The following AGBL3 variants were observed in gnomAD, a reference collection of about 807,000 sequenced individuals.
AGBL3 encodes the protein AGBL carboxypeptidase 3.
Under a neutral mutation model 94.5 loss-of-function variants are expected in AGBL3, and 68 were observed. The observed-to-expected ratio is 0.72, with a 90% CI of 0.59 to 0.88. AGBL3 has a LOEUF of 0.88. Among genes scored for constraint, AGBL3 ranks in the 40% least tolerant of loss-of-function variants. The probability of loss-of-function intolerance (pLI) is 0.00; values close to 1 mark genes in which losing one functional copy is unlikely to be tolerated. For missense variants in AGBL3, 934 were observed against 1,103.8 expected (o/e 0.85, Z 2.18); for synonymous variants, 354 against 370.7 (o/e 0.95, Z 0.52).
At chr7:135,019,744 C>A (rs929095636) in intron 5 of AGBL3, among the ~76,000 whole-genome samples, 2 of 152,032 alleles carry the variant, frequency 1.3e-5, no homozygotes, top group African/African-American at 4.8e-5. Context: ...CAGAACAGAG[C>A]CCTCAGAAAT....
chr7:134,997,696 A>C (rs981330187), intron 4 of AGBL3, among the ~76,000 whole-genome samples: 2 of 152,196 alleles, frequency 1.3e-5, no homozygotes, highest in Non-Finnish European at 2.9e-5. Context: ...CCAGGTAGAC[A>C]AAGATACTCT....
chr7:135,113,514 T>C (rs1310336673), intron 15 of AGBL3, among the ~76,000 whole-genome samples: 3 of 152,228 alleles, frequency 2.0e-5, no homozygotes, highest in African/African-American at 7.2e-5. Context: ...TTATTCTAAA[T>C]GTATTCTACT....
chr7:135,009,249 A>G (rs1442477414), intron 4 of AGBL3, among the ~76,000 whole-genome samples: 2 of 152,208 alleles, frequency 1.3e-5, no homozygotes, highest in Non-Finnish European at 2.9e-5. Flanking sequence ...GGATGAATGG[A>G]AAAACAAAAT....
At chr7:135,004,117 A>G (rs532344383) in intron 4 of AGBL3, among the ~76,000 whole-genome samples, 1 of 151,836 alleles carries the variant, frequency 6.6e-6, no homozygotes, top group South Asian at 2.1e-4. Flanking sequence ...ATTTGTTCTT[A>G]TATTATTAAG....
chr7:135,010,091 C>T (rs1224204626), intron 4 of AGBL3: 4 of 417,318 alleles, frequency 9.6e-6, no homozygotes, highest in African/African-American at 4.3e-5. Flanking sequence ...CGCAGTGGTG[C>T]GATCTCGGCT....
intron 4 of AGBL3, among the ~76,000 whole-genome samples, chr7:135,004,384 T>A (rs1187328383): frequency 6.6e-6 from 1 of 151,692 alleles, no homozygotes; most frequent in Non-Finnish European, 1.5e-5. Context: ...GATAGATTTT[T>A]AAAAATTTTC....
chr7:135,034,746 A>T lies in AGBL3; in HGVS notation c.1155A>T (p.Ser385=), dbSNP rs1458460890. The T allele has an allele frequency of 1.9e-6, 3 of 1,551,306 alleles. No individual in the cohort carries two copies. Among genetic ancestry groups the T allele is most frequent in the South Asian group, 2.4e-5 (2 of 83,946 alleles). Residue 385 remains serine (S), a synonymous_variant, in exon 7 of 17, where the codon TCA becomes TCT. Coordinates refer to ENST00000436302, the MANE Select transcript of AGBL3 (RefSeq NM_178563.4). The stretch of plus-strand genomic sequence containing the variant: ...TCCTAGATTATATTTTAGGAAACTC[A>T]AGTGATGCACAGTTGCTTCGGGACA... ...KGFLDYILGN[S]SDAQLLRDTF...
chr7:135,039,410 G>A (rs1478603738), intron 8 of AGBL3, among the ~76,000 whole-genome samples: 3 of 151,592 alleles, frequency 2.0e-5, no homozygotes, highest in Non-Finnish European at 4.4e-5. Context: ...GTAGCACTTA[G>A]AAGAAAATGT....
At chr7:135,059,120 T>C in intron 11 of AGBL3, 49 bp from the exon 12 acceptor site, 3 of 1,373,896 alleles carry the variant, frequency 2.2e-6, no homozygotes, top group Non-Finnish European at 3.0e-6. Flanking sequence ...AGTTGAAATT[T>C]TAAGATGCCA....
intron 12 of AGBL3, among the ~76,000 whole-genome samples, chr7:135,067,950 G>T (rs898151349): frequency 1.3e-5 from 2 of 152,078 alleles, no homozygotes; most frequent in Admixed American, 1.3e-4. Flanking sequence ...AGCTAAAGGA[G>T]GAAGTTCGAA....
chr7:135,050,238 A>G (rs1817749032), intron 11 of AGBL3, among the ~76,000 whole-genome samples: 1 of 151,624 alleles, frequency 6.6e-6, no homozygotes. Context: ...ATCTAGTTTC[A>G]CCCCATTATG....
chr7:135,078,771 G>A (rs2116840966), intron 13 of AGBL3, among the ~76,000 whole-genome samples: 1 of 152,162 alleles, frequency 6.6e-6, no homozygotes, highest in Non-Finnish European at 1.5e-5. Context: ...CATTCTAAGT[G>A]TGCCCATAAG....
intron 4 of AGBL3, among the ~76,000 whole-genome samples, chr7:134,999,078 A>G (rs1344907666): frequency 6.6e-6 from 1 of 152,194 alleles, no homozygotes; most frequent in African/African-American, 2.4e-5. Flanking sequence ...GTAAACCACT[A>G]GTCCATTTTG....
chr7:134,996,524 A>G (rs1001189246), intron 4 of AGBL3, among the ~76,000 whole-genome samples: 2 of 152,182 alleles, frequency 1.3e-5, no homozygotes, highest in Non-Finnish European at 2.9e-5. Flanking sequence ...TTTCCAGTCC[A>G]GCTATAAATT....
chr7:135,057,676 T>C (rs1818459766), intron 11 of AGBL3, among the ~76,000 whole-genome samples: 1 of 152,186 alleles, frequency 6.6e-6, no homozygotes, highest in African/African-American at 2.4e-5. Context: ...AGCAATTGCA[T>C]TCATATAGCA....
At chr7:135,084,697 C>A (rs1355892463) in intron 15 of AGBL3, among the ~76,000 whole-genome samples, 6 of 152,026 alleles carry the variant, frequency 3.9e-5, no homozygotes, top group Admixed American at 3.9e-4. Context: ...TGGTTAAATA[C>A]TATTCCATTG....
intron 15 of AGBL3, among the ~76,000 whole-genome samples, chr7:135,095,230 G>C (rs1822486843): frequency 6.6e-6 from 1 of 152,092 alleles, no homozygotes; most frequent in Admixed American, 6.6e-5. Flanking sequence ...CATAGCCCAG[G>C]AACACAGGCC....
intron 16 of AGBL3, among the ~76,000 whole-genome samples, chr7:135,118,863 A>G (rs1826706289): frequency 6.6e-6 from 1 of 152,176 alleles, no homozygotes; most frequent in South Asian, 2.1e-4. Flanking sequence ...GAAAAATACC[A>G]CTGAAATTTT....
chr7:135,129,298 A>G, intron 16 of AGBL3: 1 of 1,484,102 alleles, frequency 6.7e-7, no homozygotes, highest in Non-Finnish European at 9.4e-7. Flanking sequence ...AGGTTGACCT[A>G]CCATGGGGTC....
Sources: allele counts gnomAD v4.1 joint callset (sites outside exome capture counted in the v4.1 genomes callset), GRCh38; gene constraint gnomAD v4.1.1; transcripts MANE v1.5; gene names NCBI Gene and HGNC (gene_info 2026-07-23, HGNC 2026-07-21).